NAALADL2: variants seen among roughly 807,000 people sequenced by gnomAD.
NAALADL2 encodes the protein inactive N-acetylated-alpha-linked acidic dipeptidase-like protein 2.
A neutral mutation model predicts 87.2 loss-of-function variants in NAALADL2; 76 were observed. The ratio of observed to expected loss-of-function variants is 0.87; its 90% CI spans 0.72 to 1.05. The LOEUF is 1.05. NAALADL2 is among the 50% of genes least tolerant of loss of function. The probability of loss-of-function intolerance (pLI) is 0.00; values close to 1 mark genes in which losing one functional copy is unlikely to be tolerated. For synonymous variants in NAALADL2, 354 were observed against 331.0 expected (o/e 1.07, Z -0.75); for missense variants, 1,089 against 945.8 (o/e 1.15, Z -1.99).
intron 3 of NAALADL2, among the ~76,000 whole-genome samples, chr3:174,778,133 T>C (rs500999): frequency 0.26 from 38,905 of 152,018 alleles, 5,597 homozygotes; most frequent in Middle Eastern, 0.33. Flanking sequence ...AGACTTTCCA[T>C]GATCTCAAAA....
chr3:174,710,801 G>A (rs2108913715), intron 2 of NAALADL2, among the ~76,000 whole-genome samples: 1 of 152,294 alleles, frequency 6.6e-6, no homozygotes, highest in East Asian at 1.9e-4. Context: ...ACTTCTTGTT[G>A]ATGAAATGCA....
chr3:174,963,700 C>G (rs1306349801), intron 1 of NAALADL2, among the ~76,000 whole-genome samples: 1 of 152,042 alleles, frequency 6.6e-6, no homozygotes, highest in African/African-American at 2.4e-5. Flanking sequence ...ATGTGTAGTA[C>G]TTGGCACATA....
intron 2 of NAALADL2, among the ~76,000 whole-genome samples, chr3:175,167,754 T>C (rs1189379450): frequency 6.6e-6 from 1 of 152,050 alleles, no homozygotes; most frequent in Non-Finnish European, 1.5e-5. Flanking sequence ...CCTCATCTTT[T>C]AGGTTTCAGT....
chr3:174,457,213 G>A (rs1246978344), intron 1 of NAALADL2, among the ~76,000 whole-genome samples: 18 of 152,254 alleles, frequency 1.2e-4, no homozygotes, highest in Non-Finnish European at 1.5e-5. Context: ...ACAGGTGCTG[G>A]TGAAGTTGTG....
chr3:175,066,556 G>T (rs1391288959), intron 1 of NAALADL2, among the ~76,000 whole-genome samples: 4 of 152,152 alleles, frequency 2.6e-5, no homozygotes, highest in East Asian at 1.9e-4. Context: ...GAAAACCCTT[G>T]TGGCTGTTAC....
rs187697503 is a variant in NAALADL2 at position 174,711,292 on chromosome 3, A to G, written c.-114-26349A>G. On this transcript the variant is annotated intron_variant, in intron 2 of 3. Transcript: ENST00000434257. ...GCAACATTGGAAGCCACATTTTGAGAAGGCCACTTGAGTGAGCTCATATCA... is the reference window on the plus strand; with the variant it reads ...GCAACATTGGAAGCCACATTTTGAGGAGGCCACTTGAGTGAGCTCATATCA... Among the ~76,000 whole-genome samples, 1,140 of 152,318 alleles carry G rather than the reference A, an allele frequency of 7.5e-3. 6 individuals are homozygous for G. The highest frequency in any genetic ancestry group is 0.012 in the Non-Finnish European group (811 of 68,020).
In NAALADL2 at chr3:175,161,970, G is replaced by A. The variant is rs564251156; in HGVS notation, c.545+64679G>A. ...TTTTTTTACACAGTCATATCTGGGT[G>A]TGACTTTCTTTCGGAAACCTGTCTT... is the stretch of plus-strand genomic sequence containing the variant. On this transcript the variant is annotated intron_variant, in intron 2 of 13. Transcript: ENST00000454872. Among the ~76,000 whole-genome samples the A allele has an allele frequency of 2.2e-4, 33 of 152,246 alleles. No homozygotes were observed. In the South Asian group the frequency reaches 6.2e-3, roughly 29 times the overall value.
chr3:175,181,718 T>TGTGTGTATATATGC (rs1553802465), intron 2 of NAALADL2, among the ~76,000 whole-genome samples: 2 of 72,414 alleles, frequency 2.8e-5, no homozygotes, highest in Admixed American at 3.5e-4. Context: ...TGTGTGTGTG[T>TGTGTGTATATATGC]ATATATATGT....
At chr3:175,787,325 G>A (rs901192089) in intron 13 of NAALADL2, among the ~76,000 whole-genome samples, 4 of 152,122 alleles carry the variant, frequency 2.6e-5, no homozygotes, top group African/African-American at 9.6e-5. Context: ...CTGCTGCCTT[G>A]CAGTTTGATC....
At chr3:175,714,010 T>C (rs1470630019) in intron 11 of NAALADL2, among the ~76,000 whole-genome samples, 2 of 152,204 alleles carry the variant, frequency 1.3e-5, no homozygotes, top group African/African-American at 4.8e-5. Context: ...ATTAGTTTGC[T>C]GAGAATGATG....
chr3:174,786,496 G>A (rs13083579), intron 3 of NAALADL2, among the ~76,000 whole-genome samples: 5 of 146,608 alleles, frequency 3.4e-5, no homozygotes, highest in African/African-American at 9.9e-5. Flanking sequence ...AGAAAAAAAA[G>A]AAAAAGTAAA....
At chr3:174,641,661 TGG>T (rs1723199411) in intron 2 of NAALADL2, among the ~76,000 whole-genome samples, 1 of 152,236 alleles carries the variant, frequency 6.6e-6, no homozygotes, top group Non-Finnish European at 1.5e-5. Context: ...TGGAAAGTAC[TGG>T]GAGTCAACTA....
intron 11 of NAALADL2, among the ~76,000 whole-genome samples, chr3:175,646,391 A>G (rs1730004996): frequency 6.6e-6 from 1 of 152,138 alleles, no homozygotes; most frequent in Admixed American, 6.6e-5. Context: ...ATTTTATATT[A>G]AAATGTACCC....
chr3:175,777,152 A>G (rs1238822574), intron 13 of NAALADL2, among the ~76,000 whole-genome samples: 17 of 151,718 alleles, frequency 1.1e-4, no homozygotes, highest in African/African-American at 4.1e-4. Context: ...GAAAAGGTCT[A>G]TTTTGTTGTT....
intron 1 of NAALADL2, among the ~76,000 whole-genome samples, chr3:174,905,891 G>T (rs1732895093): frequency 6.6e-6 from 1 of 152,044 alleles, no homozygotes; most frequent in Non-Finnish European, 1.5e-5. Context: ...CTCAAGATTT[G>T]ATTTAGTACA....
At chr3:175,600,498 C>T (rs1722807466) in intron 10 of NAALADL2, among the ~76,000 whole-genome samples, 1 of 126,632 alleles carries the variant, frequency 7.9e-6, no homozygotes, top group South Asian at 3.0e-4. Context: ...ACTTCATTTG[C>T]CTTTTGTCCC....
chr3:174,645,305 G>A (rs1157705268), intron 2 of NAALADL2, among the ~76,000 whole-genome samples: 1 of 152,136 alleles, frequency 6.6e-6, no homozygotes, highest in Non-Finnish European at 1.5e-5. Context: ...GCGTGGCCAC[G>A]GTAGTCCCTA....
chr3:174,710,617 G>T (rs1045834130), intron 2 of NAALADL2, among the ~76,000 whole-genome samples: 2 of 151,984 alleles, frequency 1.3e-5, no homozygotes, highest in East Asian at 3.9e-4. Context: ...TAGTGATGAG[G>T]CACAAGAAAG....
intron 11 of NAALADL2, among the ~76,000 whole-genome samples, chr3:175,732,472 C>A (rs1384985265): frequency 2.0e-5 from 3 of 152,138 alleles, no homozygotes; most frequent in Non-Finnish European, 4.4e-5. Context: ...TTAGAGGCGA[C>A]ACTATCTGTT....
Sources: gnomAD v4.1 joint callset for allele counts (sites outside exome capture counted in the v4.1 genomes callset) on GRCh38, gnomAD v4.1.1 for gene constraint, MANE v1.5 for transcripts, NCBI Gene and HGNC (gene_info 2026-07-23, HGNC 2026-07-21) for gene names.